MCOLN3: variants seen among roughly 807,000 people sequenced by gnomAD.
MCOLN3 encodes mucolipin-3.
In MCOLN3, 62 loss-of-function variants were observed where a neutral mutation model predicts 69.4. The observed-to-expected ratio is 0.89, with a 90% CI of 0.73 to 1.10. The LOEUF (loss-of-function observed/expected upper bound fraction) is 1.10. Among genes scored for constraint, MCOLN3 ranks in the 50% least tolerant of loss-of-function variants. The probability of loss-of-function intolerance (pLI) is 0.00; values close to 1 mark genes in which losing one functional copy is unlikely to be tolerated. For missense variants in MCOLN3, 564 were observed against 656.4 expected, an observed-to-expected ratio of 0.86 and a Z score of 1.54; for synonymous variants, 183 against 217.0, an observed-to-expected ratio of 0.84 and a Z score of 1.38.
intron 4 of MCOLN3, among the ~76,000 whole-genome samples, chr1:85,033,687 G>A (rs1187533896): frequency 1.3e-5 from 2 of 152,060 alleles, no homozygotes; most frequent in African/African-American, 4.8e-5. Context: ...TATACCAAGA[G>A]TTTGCAAGCA....
At chr1:85,020,348 T>C (rs1295803141) in intron 12 of MCOLN3, among the ~76,000 whole-genome samples, 1 of 152,240 alleles carries the variant, frequency 6.6e-6, no homozygotes, top group Non-Finnish European at 1.5e-5. Context: ...TCATGTTTCT[T>C]TATCCCTCTC....
In MCOLN3 at chr1:85,019,236, G is replaced by T; in HGVS notation, c.1549C>A (p.Pro517Thr). ...ATAAATGTACGAAGTTCAGTCTCTG[G>T]GAAGCCATCTTGTTGGTATTGCTAA... ...TIKQYQQDGFPETELRTFISE... is the reference protein window; with the variant it reads ...TIKQYQQDGFTETELRTFISE... Residue 517 changes from proline to threonine, a missense_variant, in exon 13 of 13, where the codon CCA becomes ACA. Physicochemically the swap from Pro to Thr is conservative, Grantham distance 38. Coordinates refer to ENST00000370589, the MANE Select transcript of MCOLN3 (RefSeq NM_018298.11). The T allele has an allele frequency of 6.2e-7, 1 of 1,613,706 alleles. No homozygotes were observed. The highest frequency in any genetic ancestry group is 1.1e-5 in the South Asian group (1 of 91,016).
In MCOLN3 at chr1:85,025,942, A is replaced by T. The variant is rs1453337331; in HGVS notation, c.1092T>A (p.Ala364=). 1.2e-5 allele frequency: 19 copies of T among 1,594,792 alleles called. No individual in the cohort carries two copies. Among genetic ancestry groups the T allele is most frequent in the Non-Finnish European group, 1.6e-5 (19 of 1,170,238 alleles). The change falls in exon 9 of 13, where the codon GCT becomes GCA. Residue 364 remains alanine, a synonymous_variant. Coordinates refer to ENST00000370589, the MANE Select transcript of MCOLN3 (RefSeq NM_018298.11). ...GCATGATTAGGAAAAAAATTACCTT[A>T]GCTTGGATTTCCATTTTTAGAATTG... ...IGSILKMEIQ[A]KSLTSYDVCS...
intron 9 of MCOLN3, 82 bp downstream of exon 9, chr1:85,025,857 G>T (rs1652186810): frequency 7.5e-7 from 1 of 1,335,206 alleles, no homozygotes; most frequent in African/African-American, 1.5e-5. Flanking sequence ...AATTCATTCT[G>T]AAAATTCTTA....
At chr1:85,040,331 T>C (rs772659821) in intron 3 of MCOLN3, among the ~76,000 whole-genome samples, 1 of 152,136 alleles carries the variant, frequency 6.6e-6, no homozygotes, top group Non-Finnish European at 1.5e-5. Flanking sequence ...TGAAGAAAAA[T>C]TGTAATAATT....
In MCOLN3 at chr1:85,048,403, A is replaced by T. The variant is rs369740664; in HGVS notation, c.-10T>A. On this transcript the variant is annotated 5_prime_UTR_variant, in exon 1 of 13. Coordinates refer to ENST00000370589, the MANE Select transcript of MCOLN3 (RefSeq NM_018298.11). Reference sequence around the variant, plus strand: ...AGCGCCCCGCGGGCTCACCTGGGGGACAGCGGGGAGCGGCCGCAGCTCCGG... The same window carrying T: ...AGCGCCCCGCGGGCTCACCTGGGGGTCAGCGGGGAGCGGCCGCAGCTCCGG... 5 of 151,778 alleles carry T rather than the reference A, an allele frequency of 3.3e-5. No homozygotes were observed. The East Asian group carries it at 7.9e-4, about 24-fold the overall frequency. The allele number at this position is 151,778 out of a possible 1,614,324, so 9.4% of individuals were successfully genotyped here. A position where few individuals can be genotyped will look rare whatever the true frequency, so the allele number is the denominator to read the frequency against.
At chr1:85,045,437 A>G (rs766141039) in intron 1 of MCOLN3, 75 bp from the exon 2 acceptor site, 4 of 1,206,564 alleles carry the variant, frequency 3.3e-6, no homozygotes, top group Non-Finnish European at 4.6e-6. Flanking sequence ...CATATTCTTT[A>G]ATATTGCAAG....
chr1:85,021,119 A>C lies in MCOLN3; in HGVS notation c.1478T>G (p.Ile493Ser), dbSNP rs199680820. The C allele has an allele frequency of 1.2e-6, 2 of 1,612,174 alleles. No homozygotes were observed. Among genetic ancestry groups the C allele is most frequent in the Non-Finnish European group, 1.7e-6 (2 of 1,179,426 alleles). ...YSFISLFIYMILSLFIALITD... is the reference protein window; with the variant it reads ...YSFISLFIYMSLSLFIALITD... The stretch of plus-strand genomic sequence containing the variant: ...GATCAGTGCAATGAAAAGACTTAAA[A>C]TCATATATATAAAGAGGCTGATGAA... Residue 493 changes from isoleucine to serine, a missense_variant, in exon 12 of 13, where the codon ATT becomes AGT. Ile to Ser is a moderately radical substitution (Grantham distance 142). Transcript: ENST00000370589.
At chr1:85,019,460 C>T (rs1243041261) in intron 12 of MCOLN3, among the ~76,000 whole-genome samples, 2 of 152,108 alleles carry the variant, frequency 1.3e-5, no homozygotes, top group African/African-American at 4.8e-5. Flanking sequence ...TCTGCAGCTG[C>T]CTACCTGAGC....
Position 85,029,120 on chromosome 1 carries a change from T to A in MCOLN3, c.818A>T (p.His273Leu), listed in dbSNP as rs916295398. The A allele has an allele frequency of 6.3e-7, 1 of 1,587,172 alleles. No homozygotes were observed. ...GCATCACTTACTTGATCCAGATACA[T>A]GCCAGTCTTTACATTCTCTGATGGA... ...DISIRECKDW[H>L]VSGSIQKNTH... is the part of the protein sequence containing the mutation. Residue 273 changes from histidine to leucine, a missense_variant, in exon 7 of 13, where the codon CAT (histidine) becomes CTT (leucine). Transcript: ENST00000370589.
At chr1:85,047,861 A>C (rs1422454231) in intron 1 of MCOLN3, among the ~76,000 whole-genome samples, 1 of 152,204 alleles carries the variant, frequency 6.6e-6, no homozygotes, top group Non-Finnish European at 1.5e-5. Context: ...ATCCCCGGGC[A>C]CTGCCGTGGA....
chr1:85,034,263 A>G lies in MCOLN3; in HGVS notation c.397-12T>C, dbSNP rs371464082. ...TATAGCTGCAAGTACTTCAACCAAA[A>G]TGAGAAACAGAAAATGGGAATGCCA... On this transcript the variant is annotated splice_polypyrimidine_tract_variant and intron_variant, in intron 3 of 12. Coordinates refer to ENST00000370589, the MANE Select transcript of MCOLN3 (RefSeq NM_018298.11). 1.2e-5 allele frequency: 20 copies of G among 1,613,774 alleles called. No individual in the cohort carries two copies. The African/African-American group carries it at 1.7e-4, about 14-fold the overall frequency.
At chr1:85,033,685 G>A (rs1232606034) in intron 4 of MCOLN3, among the ~76,000 whole-genome samples, 1 of 152,044 alleles carries the variant, frequency 6.6e-6, no homozygotes, top group Non-Finnish European at 1.5e-5. Context: ...TATATACCAA[G>A]AGTTTGCAAG....
intron 6 of MCOLN3, among the ~76,000 whole-genome samples, chr1:85,032,323 A>G (rs1571107480): frequency 6.6e-6 from 1 of 152,082 alleles, no homozygotes; most frequent in South Asian, 2.1e-4. Context: ...AGTAACAAGA[A>G]CCCTTGGCAG....
chr1:85,033,340 T>A (rs1652634312), intron 4 of MCOLN3, among the ~76,000 whole-genome samples: 1 of 152,174 alleles, frequency 6.6e-6, no homozygotes, highest in African/African-American at 2.4e-5. Flanking sequence ...GTTTGAGGGA[T>A]CTATTTTTAA....
intron 2 of MCOLN3, among the ~76,000 whole-genome samples, chr1:85,043,529 C>CAAAAA (rs11409671): frequency 7.1e-6 from 1 of 141,458 alleles, no homozygotes. Flanking sequence ...GACTCCATCT[C>CAAAAA]AAAAAAAAAA....
At chr1:85,028,600 G>A (rs974995315) in intron 7 of MCOLN3, among the ~76,000 whole-genome samples, 2 of 152,200 alleles carry the variant, frequency 1.3e-5, no homozygotes, top group Non-Finnish European at 2.9e-5. Flanking sequence ...ATATTTCTAA[G>A]AGTAGATCCT....
rs555634258 is a variant in MCOLN3 at position 85,037,857 on chromosome 1, A to G, written c.396+3153T>C. Among the ~76,000 whole-genome samples the G allele has an allele frequency of 2.0e-5, 3 of 152,326 alleles. No individual in the cohort carries two copies. In the South Asian group the frequency reaches 6.2e-4, roughly 32 times the overall value. On this transcript the variant is annotated intron_variant, in intron 3 of 12. Coordinates refer to ENST00000370589, the MANE Select transcript of MCOLN3 (RefSeq NM_018298.11). ...TGGAGGAGCTTTAATTAGTCTGGGC[A>G]TCCGTCCCTCCTGGTCTCTGCAGCT...
At chr1:85,023,673 G>A (rs78384296) in intron 9 of MCOLN3, among the ~76,000 whole-genome samples, 10 of 152,122 alleles carry the variant, frequency 6.6e-5, no homozygotes, top group African/African-American at 2.2e-4. Flanking sequence ...CTAAGTGGGG[G>A]TATAGATTTG....
Sources: allele counts gnomAD v4.1 joint callset (sites outside exome capture counted in the v4.1 genomes callset), GRCh38; gene constraint gnomAD v4.1.1; transcripts MANE v1.5; gene names NCBI Gene and HGNC (gene_info 2026-07-23, HGNC 2026-07-21).